Variants in PPP2R5E observed in about 807,000 individuals in gnomAD.
PPP2R5E encodes the protein serine/threonine-protein phosphatase 2A 56 kDa regulatory subunit epsilon isoform.
Under a neutral mutation model 65.3 loss-of-function variants are expected in PPP2R5E, and 4 were observed. The ratio of observed to expected loss-of-function variants is 0.06; its 90% CI spans 0.03 to 0.14. The LOEUF (loss-of-function observed/expected upper bound fraction) is 0.14. Among genes scored for constraint, PPP2R5E ranks in the 10% least tolerant of loss-of-function variants. The pLI, the probability that PPP2R5E is intolerant of heterozygous loss-of-function variation, is 1.00. For synonymous variants in PPP2R5E, 183 were observed against 187.4 expected (o/e 0.98, Z 0.19); for missense variants, 274 against 556.1 (o/e 0.49, Z 5.10).
intron 5 of PPP2R5E, among the ~76,000 whole-genome samples, chr14:63,399,001 C>T (rs72714227): frequency 0.035 from 5,292 of 152,216 alleles, 187 homozygotes; most frequent in African/African-American, 0.084. Flanking sequence ...TATGACTAAG[C>T]GATTCCACTT....
chr14:63,460,371 C>T (rs780609112), intron 2 of PPP2R5E, among the ~76,000 whole-genome samples: 11 of 152,044 alleles, frequency 7.2e-5, no homozygotes, highest in Non-Finnish European at 1.0e-4. Flanking sequence ...AGTCTTGCTG[C>T]GGAGGAGGGA....
chr14:63,375,288 T>C lies in PPP2R5E; in HGVS notation c.*721A>G, dbSNP rs1443853957. On this transcript the variant is annotated 3_prime_UTR_variant, in exon 14 of 14. Transcript: ENST00000337537. ...TTTTCAAAGGATTCAAGACATTGAT[T>C]TGGATTCACCATAAACTGATGCATG... The C allele has an allele frequency of 6.6e-6, 1 of 152,636 alleles. No individual in the cohort carries two copies. The allele number at this position is 152,636 out of a possible 1,614,324, so 9.5% of individuals were successfully genotyped here.
rs1892928994 is a variant in PPP2R5E at position 63,521,974 on chromosome 14, CGGTCT to C, written c.157+17550_157+17554del. Among the ~76,000 whole-genome samples the C allele has an allele frequency of 1.2e-4, 16 of 131,300 alleles. 1 individual carries two copies. The South Asian group carries it at 3.4e-3, about 28-fold the overall frequency. The allele number at this position is 131,300 out of a possible 152,430, so 86.1% of individuals were successfully genotyped here. ...CCCCCTCCCCCTCCCCCTCTCCCCACGGTCTCCCTCTGATACCGAGCCGAAGCTGG... is the reference window on the plus strand; with the variant it reads ...CCCCCTCCCCCTCCCCCTCTCCCCACCCCTCTGATACCGAGCCGAAGCTGG... On this transcript the variant is annotated intron_variant, in intron 2 of 13. Coordinates refer to ENST00000337537, the MANE Select transcript of PPP2R5E (RefSeq NM_006246.5).
chr14:63,500,350 A>C (rs1033815847), intron 2 of PPP2R5E, among the ~76,000 whole-genome samples: 1 of 152,198 alleles, frequency 6.6e-6, no homozygotes, highest in Non-Finnish European at 1.5e-5. Context: ...AAATACACCA[A>C]GGTGCCAAAT....
At chr14:63,509,226 A>G (rs1470363092) in intron 2 of PPP2R5E, among the ~76,000 whole-genome samples, 1 of 149,566 alleles carries the variant, frequency 6.7e-6, no homozygotes, top group Non-Finnish European at 1.5e-5. Flanking sequence ...GACATGCGCT[A>G]TAATTTAAAA....
At chr14:63,439,443 C>T (rs1229621272) in intron 3 of PPP2R5E, among the ~76,000 whole-genome samples, 2 of 151,970 alleles carry the variant, frequency 1.3e-5, no homozygotes, top group East Asian at 1.9e-4. Flanking sequence ...GGCACGATCT[C>T]GGCTCACAAC....
chr14:63,395,429 G>C (rs1196011654), intron 6 of PPP2R5E, 144 bp from the exon 7 acceptor site: 1 of 115,990 alleles, frequency 8.6e-6, no homozygotes, highest in Non-Finnish European at 1.6e-5. Context: ...GGAGGAGAGG[G>C]AGGACAAGGG....
intron 2 of PPP2R5E, among the ~76,000 whole-genome samples, chr14:63,493,602 G>C (rs900446835): frequency 1.3e-5 from 2 of 152,008 alleles, no homozygotes; most frequent in Non-Finnish European, 2.9e-5. Context: ...CTAAATAAAG[G>C]CTGCTTACAC....
At chr14:63,509,537 G>A (rs1386642383) in intron 2 of PPP2R5E, among the ~76,000 whole-genome samples, 1 of 152,080 alleles carries the variant, frequency 6.6e-6, no homozygotes, top group Non-Finnish European at 1.5e-5. Context: ...GCCTCCCAAA[G>A]TGCTGGGATT....
At chr14:63,470,949 A>T (rs756562625) in intron 2 of PPP2R5E, among the ~76,000 whole-genome samples, 1 of 152,220 alleles carries the variant, frequency 6.6e-6, no homozygotes, top group Non-Finnish European at 1.5e-5. Flanking sequence ...AAGGTGACCA[A>T]GCAATAGCTT....
chr14:63,415,126 A>G lies in PPP2R5E; in HGVS notation c.549+14T>C. On this transcript the variant is annotated intron_variant, in intron 5 of 13. Transcript: ENST00000337537. Reference sequence around the variant, plus strand: ...CTGGATGACAAATACACACAACCACAATAATTTGCTTACCTGTAATACAAA... The same window carrying G: ...CTGGATGACAAATACACACAACCACGATAATTTGCTTACCTGTAATACAAA... 1 of 1,520,856 alleles carries G rather than the reference A, an allele frequency of 6.6e-7. No individual in the cohort carries two copies. The highest frequency in any genetic ancestry group is 9.1e-7 in the Non-Finnish European group (1 of 1,097,242). 94.2% of individuals were successfully genotyped at this position (1,520,856 alleles called of 1,614,324 possible).
At chr14:63,533,417 C>T (rs141140318) in intron 2 of PPP2R5E, among the ~76,000 whole-genome samples, 5,170 of 151,200 alleles carry the variant, frequency 0.034, 11 homozygotes, top group East Asian at 0.041. Context: ...CAAAATTAGC[C>T]GGGCATGGAG....
chr14:63,520,784 G>T (rs1026255867), intron 2 of PPP2R5E, among the ~76,000 whole-genome samples: 3 of 150,860 alleles, frequency 2.0e-5, no homozygotes, highest in Non-Finnish European at 2.9e-5. Flanking sequence ...GGGAGGCCGA[G>T]GCGGGTGGAT....
intron 2 of PPP2R5E, 72 bp downstream of exon 2, chr14:63,539,457 C>T (rs1000962621): frequency 1.4e-6 from 2 of 1,451,066 alleles, no homozygotes; most frequent in Non-Finnish European, 1.9e-6. Context: ...TAAAACTCTA[C>T]AAAAAGGAAA....
chr14:63,501,329 C>T (rs572999173), intron 2 of PPP2R5E, among the ~76,000 whole-genome samples: 45 of 150,902 alleles, frequency 3.0e-4, no homozygotes, highest in Middle Eastern at 3.4e-3. Flanking sequence ...GGCGTGAACC[C>T]GGGAGGCGGA....
Position 63,372,114 on chromosome 14 carries a change from G to A in PPP2R5E, c.*3895C>T, listed in dbSNP as rs1009307704. On this transcript the variant is annotated 3_prime_UTR_variant, in exon 14 of 14. Transcript: ENST00000337537. ...AAAAAAAAAGAGAAAGGTGGGGGAA[G>A]GAGGGAGGGAAGGAAGAAAAGGAAA... The A allele has an allele frequency of 6.6e-6, 1 of 151,964 alleles. No individual in the cohort carries two copies. The highest frequency in any genetic ancestry group is 1.5e-5 in the Non-Finnish European group (1 of 67,936). 9.4% of individuals were successfully genotyped at this position (151,964 alleles called of 1,614,324 possible).
chr14:63,384,320 TA>T, intron 12 of PPP2R5E, 123 bp downstream of exon 12: 1 of 1,157,980 alleles, frequency 8.6e-7, no homozygotes, highest in Non-Finnish European at 1.3e-6. Context: ...CCCCAGAAGG[TA>T]AGGATTTTAT....
chr14:63,435,807 T>C (rs1428646423), intron 3 of PPP2R5E, among the ~76,000 whole-genome samples: 1 of 152,198 alleles, frequency 6.6e-6, no homozygotes, highest in Non-Finnish European at 1.5e-5. Context: ...ACAGCAATGT[T>C]AAAATAATTA....
chr14:63,400,559 T>C (rs2139815699), intron 5 of PPP2R5E, among the ~76,000 whole-genome samples: 1 of 152,312 alleles, frequency 6.6e-6, no homozygotes, highest in East Asian at 1.9e-4. Flanking sequence ...TCTTTCTATG[T>C]GCCAGCGATG....
Sources: gnomAD v4.1 joint callset for allele counts (sites outside exome capture counted in the v4.1 genomes callset) on GRCh38, gnomAD v4.1.1 for gene constraint, MANE v1.5 for transcripts, NCBI Gene and HGNC (gene_info 2026-07-23, HGNC 2026-07-21) for gene names.